MICAL2: variants seen among roughly 807,000 people sequenced by gnomAD.
The protein encoded by MICAL2 is microtubule associated monooxygenase, calponin and LIM domain containing 2, also known as [F-actin]-monooxygenase MICAL2.
MICAL2 carries 77 observed loss-of-function variants against 127.3 expected under a neutral mutation model. That is an observed-to-expected ratio of 0.60 (90% CI 0.50 to 0.73). The LOEUF is 0.73. Ranked by LOEUF, MICAL2 falls within the 30% of genes least tolerant of loss-of-function variation. The pLI, the probability that MICAL2 is intolerant of heterozygous loss-of-function variation, is 0.00. For synonymous variants in MICAL2, 570 were observed against 551.1 expected (o/e 1.03, Z -0.48); for missense variants, 1,351 against 1,434.4 (o/e 0.94, Z 0.94).
chr11:12,294,690 T>C, downstream of MICAL2: 5 of 1,614,112 alleles, frequency 3.1e-6, no homozygotes, highest in Non-Finnish European at 4.2e-6. Flanking sequence ...AGAAAGGACA[T>C]CAGGGACCTC....
chr11:12,245,878 A>G (rs1860668788), intron 21 of MICAL2, among the ~76,000 whole-genome samples: 2 of 152,242 alleles, frequency 1.3e-5, no homozygotes, highest in African/African-American at 4.8e-5. Context: ...CACCCTTGGC[A>G]GGATGGTGGG....
At chr11:12,306,345 A>G (rs1864108956) in intron 29 of MICAL2, among the ~76,000 whole-genome samples, 3 of 151,998 alleles carry the variant, frequency 2.0e-5, no homozygotes, top group Admixed American at 6.6e-5. Context: ...CTGGTACACT[A>G]TATTTCATTG....
chr11:12,121,317 C>T (rs981415251), intron 1 of MICAL2, among the ~76,000 whole-genome samples: 13 of 152,336 alleles, frequency 8.5e-5, no homozygotes, highest in Middle Eastern at 3.4e-3. Flanking sequence ...GGGGCTACTG[C>T]TGGAGCAGGA....
At position 12,111,886 on chromosome 11, in the gene MICAL2, C is replaced by T. The variant is rs79721989; in HGVS notation, c.-149+1160C>T. On this transcript the variant is annotated intron_variant, in intron 1 of 27. Coordinates refer to ENST00000683283, the MANE Select transcript of MICAL2 (RefSeq NM_001282663.2). Reference sequence around the variant, plus strand: ...GCAGTCGACCCAACAAGTGGGCCTCCGGTCTCCAGGGTAGTCCTGTGCAAT... The same window carrying T: ...GCAGTCGACCCAACAAGTGGGCCTCTGGTCTCCAGGGTAGTCCTGTGCAAT... Among the ~76,000 whole-genome samples the T allele has an allele frequency of 2.2e-3, 332 of 152,314 alleles. 1 individual carries two copies. Among genetic ancestry groups the T allele is most frequent in the African/African-American group, 7.5e-3 (311 of 41,572 alleles).
intron 1 of MICAL2, among the ~76,000 whole-genome samples, chr11:12,122,311 T>C (rs1017244898): frequency 1.3e-5 from 2 of 152,234 alleles, no homozygotes; most frequent in African/African-American, 4.8e-5. Context: ...CATTCCTGAA[T>C]TGGCCCACAG....
chr11:12,330,164 T>C (rs907907503), intron 32 of MICAL2, among the ~76,000 whole-genome samples: 6 of 152,188 alleles, frequency 3.9e-5, no homozygotes, highest in Non-Finnish European at 5.9e-5. Context: ...CCAAAATTAA[T>C]ATACTCTAAC....
Position 12,162,136 on chromosome 11 carries a change from C to A in MICAL2, c.-20C>A. Reference sequence around the variant, plus strand: ...CACCTGTGTCCTCGCCGCACCACTGCCGCACACGACTCCTGAACCATGGGG... The same window carrying A: ...CACCTGTGTCCTCGCCGCACCACTGACGCACACGACTCCTGAACCATGGGG... On this transcript the variant is annotated 5_prime_UTR_variant, in exon 3 of 28. Coordinates refer to ENST00000683283, the MANE Select transcript of MICAL2 (RefSeq NM_001282663.2). 6.2e-7 allele frequency: 1 copy of A among 1,613,854 alleles called. No homozygotes were observed.
At chr11:12,222,959 A>G (rs1171275100) in intron 11 of MICAL2, among the ~76,000 whole-genome samples, 2 of 152,162 alleles carry the variant, frequency 1.3e-5, no homozygotes, top group Non-Finnish European at 2.9e-5. Context: ...GGAGAGATTT[A>G]TATGTATATG....
chr11:12,260,368 A>G, intron 26 of MICAL2: 1 of 1,299,400 alleles, frequency 7.7e-7, no homozygotes. Flanking sequence ...AGGGCCAGGG[A>G]TGATATGAAG....
At chr11:12,175,430 T>C (rs1005664399) in intron 3 of MICAL2, among the ~76,000 whole-genome samples, 2 of 150,854 alleles carry the variant, frequency 1.3e-5, no homozygotes, top group Non-Finnish European at 3.0e-5. Context: ...GAGCCGAGAT[T>C]GCGCCACTCC....
At chr11:12,194,961 A>G (rs896243927) in intron 3 of MICAL2, among the ~76,000 whole-genome samples, 2 of 152,200 alleles carry the variant, frequency 1.3e-5, no homozygotes, top group African/African-American at 2.4e-5. Flanking sequence ...CATTTTATAT[A>G]CATTTTACCT....
intron 24 of MICAL2, among the ~76,000 whole-genome samples, chr11:12,257,840 G>C (rs1396833364): frequency 6.6e-6 from 1 of 152,192 alleles, no homozygotes; most frequent in Non-Finnish European, 1.5e-5. Context: ...AGGAAGGCTT[G>C]TCTGGAAGGC....
At chr11:12,186,086 G>C (rs1858218508) in intron 3 of MICAL2, among the ~76,000 whole-genome samples, 1 of 152,348 alleles carries the variant, frequency 6.6e-6, no homozygotes, top group South Asian at 2.1e-4. Flanking sequence ...CCAGCTGCAG[G>C]GGGAGGTCTT....
At chr11:12,317,269 A>G (rs1387420295) in intron 29 of MICAL2, among the ~76,000 whole-genome samples, 1 of 152,194 alleles carries the variant, frequency 6.6e-6, no homozygotes, top group African/African-American at 2.4e-5. Flanking sequence ...GTGATCTGGA[A>G]AGACCCTCTA....
At position 12,262,539 on chromosome 11, in the gene MICAL2, T is replaced by C; in HGVS notation, c.*17+2T>C. 1 of 1,611,236 alleles carries C rather than the reference T, an allele frequency of 6.2e-7. No individual in the cohort carries two copies. Among genetic ancestry groups the C allele is most frequent in the South Asian group, 1.1e-5 (1 of 91,018 alleles). ...TGGCTGACACACTTCTGCTCTAAGG[T>C]GACTGGTTTTCTTGCCAATTTTCAA... On this transcript the variant is annotated splice_donor_variant, in intron 27 of 27. Coordinates refer to ENST00000683283, the MANE Select transcript of MICAL2 (RefSeq NM_001282663.2). LOFTEE classifies it low-confidence loss of function (3UTR_SPLICE).
intron 18 of MICAL2, 98 bp from the exon 19 acceptor site, chr11:12,242,116 G>A (rs1329349428): frequency 2.0e-6 from 2 of 1,009,210 alleles, no homozygotes; most frequent in Non-Finnish European, 2.8e-6. Context: ...TGCACCTGGT[G>A]CACCCTTTGT....
chr11:12,280,973 C>T (rs558080085), exon 2 of MICAL2: 1 of 399,140 alleles, frequency 2.5e-6, no homozygotes, highest in South Asian at 1.3e-4. Flanking sequence ...CGAGGGCTCC[C>T]ACACAGAACC....
chr11:12,276,906 A>G (rs1266772731), intron 1 of MICAL2, among the ~76,000 whole-genome samples: 1 of 152,198 alleles, frequency 6.6e-6, no homozygotes, highest in African/African-American at 2.4e-5. Flanking sequence ...ATAGACACAT[A>G]TGCTAGAGAG....
rs760459157 is a variant in MICAL2 at position 12,213,378 on chromosome 11, A to G, written c.815A>G (p.Gln272Arg). 2 of 1,614,040 alleles carry G rather than the reference A, an allele frequency of 1.2e-6. No homozygotes were observed. Among genetic ancestry groups the G allele is most frequent in the Admixed American group, 3.3e-5 (2 of 60,012 alleles). ...EISGVAFIFN[Q>R]KFFQDLKEET... The stretch of plus-strand genomic sequence containing the variant: ...AGTGGTGTGGCTTTCATCTTCAATC[A>G]GAAATTTTTTCAGGACCTTAAAGAA... The change falls in exon 7 of 28, where the codon CAG becomes CGG. Residue 272 changes from glutamine (Q) to arginine (R), a missense_variant. By Grantham distance (43) the Gln-to-Arg change is conservative. This residue lies in a region of MICAL2 where 599 missense variants were observed against 714.9 expected (regional missense o/e 0.84). Transcript: ENST00000683283.
Sources: allele counts gnomAD v4.1 joint callset (sites outside exome capture counted in the v4.1 genomes callset), GRCh38; gene constraint gnomAD v4.1.1; regional missense constraint gnomAD v4.1.1; transcripts MANE v1.5; gene names NCBI Gene and HGNC (gene_info 2026-07-23, HGNC 2026-07-21).